Variants in KCNIP4 observed in about 807,000 individuals in gnomAD.
The protein encoded by KCNIP4 is Kv channel-interacting protein 4.
Under a neutral mutation model 34.0 loss-of-function variants are expected in KCNIP4, and 12 were observed. The ratio of observed to expected loss-of-function variants is 0.35; its 90% CI spans 0.23 to 0.57. KCNIP4 has a LOEUF of 0.57. Ranked by LOEUF, KCNIP4 falls within the 20% of genes least tolerant of loss-of-function variation. The pLI is 0.83. For synonymous variants in KCNIP4, 124 were observed against 102.2 expected (o/e 1.21, Z -1.29); for missense variants, 238 against 311.7 (o/e 0.76, Z 1.78).
chr4:20,962,649 A>C lies in KCNIP4; in HGVS notation c.62-79940T>G, dbSNP rs186010647. On this transcript the variant is annotated intron_variant, in intron 1 of 8. Transcript: ENST00000382152. Reference sequence around the variant, plus strand: ...CCATTTACTTCAAAAACACACCTTAAATTTTTACTTATTTTATCATTTTGT... The same window carrying C: ...CCATTTACTTCAAAAACACACCTTACATTTTTACTTATTTTATCATTTTGT... Among the ~76,000 whole-genome samples the C allele has an allele frequency of 9.8e-5, 15 of 152,304 alleles. No homozygotes were observed. The East Asian group carries it at 2.9e-3, about 29-fold the overall frequency.
At chr4:21,807,244 C>T (rs1019227483) in intron 1 of KCNIP4, among the ~76,000 whole-genome samples, 2 of 152,206 alleles carry the variant, frequency 1.3e-5, no homozygotes, top group Admixed American at 1.3e-4. Flanking sequence ...CGCTTGCTCA[C>T]TGACACTCAT....
chr4:21,422,095 T>C (rs1434473538), intron 1 of KCNIP4, among the ~76,000 whole-genome samples: 1 of 152,048 alleles, frequency 6.6e-6, no homozygotes, highest in Admixed American at 6.6e-5. Context: ...TTTTGTTTCA[T>C]AAACACTAAC....
chr4:21,640,181 T>G (rs1161223936), intron 1 of KCNIP4, among the ~76,000 whole-genome samples: 1 of 152,178 alleles, frequency 6.6e-6, no homozygotes, highest in Non-Finnish European at 1.5e-5. Flanking sequence ...CTATTCTGAT[T>G]GCCGCTTTGA....
intron 1 of KCNIP4, among the ~76,000 whole-genome samples, chr4:20,917,464 G>A (rs1204488536): frequency 6.6e-6 from 1 of 152,130 alleles, no homozygotes; most frequent in Non-Finnish European, 1.5e-5. Context: ...CCTAAAATGG[G>A]ATAGCGAGCA....
intron 1 of KCNIP4, among the ~76,000 whole-genome samples, chr4:21,412,235 C>A (rs927210277): frequency 3.9e-5 from 6 of 152,306 alleles, no homozygotes; most frequent in South Asian, 2.1e-4. Context: ...CCCTTTGTTC[C>A]TGCTCATACC....
rs542705827 is a variant in KCNIP4, at chr4:21,066,899, A to G, written c.62-184190T>C. 2.0e-5 allele frequency among the ~76,000 whole-genome samples: 3 copies of G among 152,240 alleles called. No homozygotes were observed. In the East Asian group the frequency reaches 5.8e-4, roughly 29 times the overall value. On this transcript the variant is annotated intron_variant, in intron 1 of 8. Coordinates refer to ENST00000382152, the MANE Select transcript of KCNIP4 (RefSeq NM_025221.6). ...GGCCAGGGGACTTGGAGTGCATGTG[A>G]CCTGGTGAGATACCAGCCGGGATGC...
chr4:20,929,345 A>G (rs1577382450), intron 1 of KCNIP4, among the ~76,000 whole-genome samples: 1 of 152,138 alleles, frequency 6.6e-6, no homozygotes, highest in East Asian at 1.9e-4. Context: ...TCCTGATAAA[A>G]ACTCTTAACA....
intron 1 of KCNIP4, among the ~76,000 whole-genome samples, chr4:20,984,292 A>G (rs1156551079): frequency 6.6e-6 from 1 of 152,218 alleles, no homozygotes; most frequent in Non-Finnish European, 1.5e-5. Flanking sequence ...GGACACTCCT[A>G]GGAAACTTGC....
intron 1 of KCNIP4, among the ~76,000 whole-genome samples, chr4:21,647,015 T>G (rs763328028): frequency 6.6e-6 from 1 of 152,168 alleles, no homozygotes; most frequent in Non-Finnish European, 1.5e-5. Context: ...AGTTTTTCAG[T>G]CTTTTGTAAT....
chr4:21,843,818 C>A (rs147470787), intron 1 of KCNIP4: 6 of 152,048 alleles, frequency 3.9e-5, no homozygotes, highest in African/African-American at 1.4e-4. Flanking sequence ...AATGAACAGA[C>A]AGGATAGTCT....
At chr4:21,158,729 T>C (rs985578261) in intron 1 of KCNIP4, among the ~76,000 whole-genome samples, 3 of 152,140 alleles carry the variant, frequency 2.0e-5, no homozygotes, top group Admixed American at 6.5e-5. Context: ...AATATCATGA[T>C]TATGAGAAGT....
At chr4:21,874,999 G>T (rs543055960) in intron 1 of KCNIP4, among the ~76,000 whole-genome samples, 51 of 152,238 alleles carry the variant, frequency 3.4e-4, no homozygotes, top group African/African-American at 1.2e-3. Context: ...AACAAACAAC[G>T]ACAACTAAAA....
At chr4:21,506,195 T>C (rs1733834768) in intron 1 of KCNIP4, among the ~76,000 whole-genome samples, 1 of 152,248 alleles carries the variant, frequency 6.6e-6, no homozygotes, top group Non-Finnish European at 1.5e-5. Context: ...TTGATTTTTT[T>C]TAATTTTTCA....
intron 1 of KCNIP4, among the ~76,000 whole-genome samples, chr4:21,105,968 C>T (rs1184410240): frequency 1.3e-5 from 2 of 151,352 alleles, no homozygotes; most frequent in Admixed American, 1.3e-4. Context: ...GGTGGATAAG[C>T]TTTTTGATGT....
rs927150116 is a variant in KCNIP4 at position 20,729,877 on chromosome 4, GAACTCAGTGGCATTATGAA to G, written c.*186_*204del. The G allele has an allele frequency of 8.1e-5, 39 of 478,644 alleles. No homozygotes were observed. The highest frequency in any genetic ancestry group is 1.3e-4 in the Non-Finnish European group (37 of 277,104). The allele number at this position is 478,644 out of a possible 1,614,324, so 29.6% of individuals were successfully genotyped here. A position where few individuals can be genotyped will look rare whatever the true frequency, so the allele number is the denominator to read the frequency against. ...TATGAAATGAGTTAGACCATCCCCT[GAACTCAGTGGCATTATGAA>G]AAGGATGCAAATTTATAACTGAAAG... On this transcript the variant is annotated 3_prime_UTR_variant, in exon 9 of 9. Coordinates refer to ENST00000382152, the MANE Select transcript of KCNIP4 (RefSeq NM_025221.6).
chr4:21,536,525 T>C (rs557083553), intron 1 of KCNIP4, among the ~76,000 whole-genome samples: 1 of 152,278 alleles, frequency 6.6e-6, no homozygotes, highest in African/African-American at 2.4e-5. Flanking sequence ...AAGCCTGTAA[T>C]CTCAGCACTT....
intron 1 of KCNIP4, among the ~76,000 whole-genome samples, chr4:21,110,141 A>G (rs1004995915): frequency 2.0e-5 from 3 of 152,182 alleles, no homozygotes; most frequent in Non-Finnish European, 2.9e-5. Flanking sequence ...CCAGCAGTTT[A>G]TAAGTTGTTG....
At chr4:21,568,179 C>T (rs1740066366) in intron 1 of KCNIP4, among the ~76,000 whole-genome samples, 1 of 151,840 alleles carries the variant, frequency 6.6e-6, no homozygotes, top group Non-Finnish European at 1.5e-5. Context: ...CCTGGTGGAC[C>T]CCAAATTCAT....
chr4:21,840,477 G>A (rs568140090), intron 1 of KCNIP4, among the ~76,000 whole-genome samples: 67 of 152,258 alleles, frequency 4.4e-4, no homozygotes, highest in African/African-American at 1.6e-3. Flanking sequence ...GCTAAGAGGG[G>A]TTGAAAATTC....
Sources: allele counts gnomAD v4.1 joint callset (sites outside exome capture counted in the v4.1 genomes callset), GRCh38; gene constraint gnomAD v4.1.1; transcripts MANE v1.5; gene names NCBI Gene and HGNC (gene_info 2026-07-23, HGNC 2026-07-21).